Variants in RB1CC1 observed in about 807,000 individuals in gnomAD.
The protein encoded by RB1CC1 is RB1 inducible coiled-coil 1.
In RB1CC1, 46 loss-of-function variants were observed where a neutral mutation model predicts 177.5. That is an observed-to-expected ratio of 0.26 (90% CI 0.20 to 0.33). RB1CC1 has a LOEUF of 0.33. Ranked by LOEUF, RB1CC1 falls within the 10% of genes least tolerant of loss-of-function variation. RB1CC1 has a pLI of 1.00. For synonymous variants in RB1CC1, 666 were observed against 613.6 expected, an observed-to-expected ratio of 1.09 and a Z score of -1.26; for missense variants, 1,703 against 1,816.3, an observed-to-expected ratio of 0.94 and a Z score of 1.13.
intron 1 of RB1CC1, among the ~76,000 whole-genome samples, chr8:52,694,233 T>C (rs1448797728): frequency 6.6e-6 from 1 of 152,152 alleles, no homozygotes; most frequent in African/African-American, 2.4e-5. Flanking sequence ...GAGTATAATC[T>C]TGGCTCTAGA....
Position 52,628,172 on chromosome 8 carries a change from A to T in RB1CC1, c.4500-4T>A. The T allele has an allele frequency of 6.2e-7, 1 of 1,605,834 alleles. No individual in the cohort carries two copies. The highest frequency in any genetic ancestry group is 8.5e-7 in the Non-Finnish European group (1 of 1,175,526). ...TACCAAATCTCCCACCTGAAAACTGAATAAAGAAATGCAATTTTATTGACT... is the reference window on the plus strand; with the variant it reads ...TACCAAATCTCCCACCTGAAAACTGTATAAAGAAATGCAATTTTATTGACT... On this transcript the variant is annotated splice_polypyrimidine_tract_variant and splice_region_variant and intron_variant, in intron 21 of 23. Transcript: ENST00000025008.
At chr8:52,704,592 C>G (rs534597493) in intron 1 of RB1CC1, among the ~76,000 whole-genome samples, 1 of 151,580 alleles carries the variant, frequency 6.6e-6, no homozygotes, top group South Asian at 2.1e-4. Context: ...TTTAAGAAAA[C>G]AATCATTAAA....
chr8:52,670,558 C>T (rs771943239), intron 7 of RB1CC1, among the ~76,000 whole-genome samples: 9 of 152,196 alleles, frequency 5.9e-5, no homozygotes, highest in Non-Finnish European at 8.8e-5. Context: ...GAAAGAAATG[C>T]TAAAGCTCAA....
chr8:52,664,942 G>A (rs1851940293), intron 8 of RB1CC1, among the ~76,000 whole-genome samples: 1 of 152,098 alleles, frequency 6.6e-6, no homozygotes, highest in South Asian at 2.1e-4. Flanking sequence ...AAAGCAGGAG[G>A]ACTAATAGCA....
At chr8:52,623,994 T>C (rs369016771) in intron 23 of RB1CC1, 135 bp from the exon 24 acceptor site, 275 of 633,276 alleles carry the variant, frequency 4.3e-4, no homozygotes, top group African/African-American at 1.1e-3. Flanking sequence ...TACCCTCCTA[T>C]CATATTACTC....
At chr8:52,642,922 G>T in intron 16 of RB1CC1, 110 bp from the exon 17 acceptor site, 1 of 1,141,416 alleles carries the variant, frequency 8.8e-7, no homozygotes, top group Non-Finnish European at 1.2e-6. Flanking sequence ...ACATGGAGAT[G>T]ATGGGGTATG....
Position 52,683,984 on chromosome 8 carries a change from C to T in RB1CC1, c.101G>A (p.Ser34Asn), listed in dbSNP as rs1447100487. Residue 34 changes from serine to asparagine, a missense_variant, in exon 4 of 24, where the codon AGC (serine) becomes AAC (asparagine). Coordinates refer to ENST00000025008, the MANE Select transcript of RB1CC1 (RefSeq NM_014781.5). ...GTGTTGAATAGCAATCTTGTATTTG[C>T]TTTGAATGGCATGCTTAAGGTCTGC... ...TVADLKHAIQ[S>N]KYKIAIQHQV... The T allele has an allele frequency of 4.3e-6, 7 of 1,613,680 alleles. No homozygotes were observed. Among genetic ancestry groups the T allele is most frequent in the Non-Finnish European group, 5.9e-6 (7 of 1,179,944 alleles).
chr8:52,654,830 T>C (rs1283022149), intron 15 of RB1CC1, among the ~76,000 whole-genome samples: 1 of 152,172 alleles, frequency 6.6e-6, no homozygotes, highest in East Asian at 1.9e-4. Flanking sequence ...TTAGATCAAT[T>C]TAACCAAAAT....
At chr8:52,667,867 T>C (rs1405123156) in intron 8 of RB1CC1, among the ~76,000 whole-genome samples, 154 bp downstream of exon 8, 3 of 152,210 alleles carry the variant, frequency 2.0e-5, no homozygotes, top group Non-Finnish European at 1.5e-5. Context: ...AAGAACATGC[T>C]TTTCTGTTTT....
intron 20 of RB1CC1, among the ~76,000 whole-genome samples, chr8:52,634,117 G>A (rs899429529): frequency 6.6e-6 from 1 of 151,658 alleles, no homozygotes; most frequent in South Asian, 2.1e-4. Flanking sequence ...ACCTTGTCTC[G>A]ATTTTTTTTT....
chr8:52,632,103 G>A (rs1445290660), intron 20 of RB1CC1, among the ~76,000 whole-genome samples: 1 of 152,150 alleles, frequency 6.6e-6, no homozygotes, highest in Non-Finnish European at 1.5e-5. Flanking sequence ...TAGCTGATAA[G>A]CTATAGCCAT....
intron 20 of RB1CC1, among the ~76,000 whole-genome samples, chr8:52,634,118 ATTTTT>A: frequency 6.8e-6 from 1 of 147,780 alleles, no homozygotes; most frequent in Admixed American, 6.7e-5. Context: ...CCTTGTCTCG[ATTTTT>A]TTTTTTTAAT....
intron 15 of RB1CC1, 27 bp from the exon 16 acceptor site, chr8:52,645,894 T>TA (rs759956889): frequency 9.7e-4 from 1,442 of 1,484,644 alleles, no homozygotes; most frequent in East Asian, 1.3e-3. Flanking sequence ...AGCATTAAAT[T>TA]AAAAAAAAAA....
intron 1 of RB1CC1, among the ~76,000 whole-genome samples, chr8:52,698,651 A>T (rs2150675710): frequency 2.9e-5 from 4 of 137,884 alleles, no homozygotes; most frequent in South Asian, 2.5e-4. Context: ...ATTAACAAAA[A>T]CTGTATATGT....
chr8:52,673,687 A>G (rs1022689159), intron 7 of RB1CC1, among the ~76,000 whole-genome samples, 158 bp downstream of exon 7: 1 of 152,228 alleles, frequency 6.6e-6, no homozygotes, highest in Non-Finnish European at 1.5e-5. Flanking sequence ...AAATAAAATT[A>G]TGAATTAAAT....
chr8:52,642,428 T>C lies in RB1CC1; in HGVS notation c.4260A>G (p.Glu1420=), dbSNP rs1453331926. The C allele has an allele frequency of 6.2e-7, 1 of 1,614,118 alleles. No individual in the cohort carries two copies. The highest frequency in any genetic ancestry group is 2.2e-5 in the East Asian group (1 of 44,862). The change falls in exon 18 of 24, where the codon GAA becomes GAG. Residue 1420 remains glutamate (E), a synonymous_variant. Coordinates refer to ENST00000025008, the MANE Select transcript of RB1CC1 (RefSeq NM_014781.5). ...CTGTTTCCACAGCGGATCTATCTGATTCACCTGGGAGTTCAGGTGCACAAG... is the reference window on the plus strand; with the variant it reads ...CTGTTTCCACAGCGGATCTATCTGACTCACCTGGGAGTTCAGGTGCACAAG... The part of the protein sequence containing the change: ...YGACAPELPG[E]SDRSAVETAD...
intron 1 of RB1CC1, among the ~76,000 whole-genome samples, chr8:52,709,868 G>T (rs901824059): frequency 1.3e-5 from 2 of 152,086 alleles, no homozygotes; most frequent in Admixed American, 1.3e-4. Context: ...CTATTTTGGG[G>T]GCATCTAAAC....
At chr8:52,664,865 CT>C (rs1374127220) in intron 8 of RB1CC1, among the ~76,000 whole-genome samples, 1 of 152,114 alleles carries the variant, frequency 6.6e-6, no homozygotes, top group African/African-American at 2.4e-5. Flanking sequence ...CAATAAATAT[CT>C]TTTTATATTA....
intron 1 of RB1CC1, among the ~76,000 whole-genome samples, chr8:52,694,020 T>G (rs1357893676): frequency 6.6e-6 from 1 of 152,216 alleles, no homozygotes; most frequent in Non-Finnish European, 1.5e-5. Context: ...TGTGGAATTC[T>G]CTAGAAATGT....
Sources: gnomAD v4.1 joint callset for allele counts (sites outside exome capture counted in the v4.1 genomes callset) on GRCh38, gnomAD v4.1.1 for gene constraint, MANE v1.5 for transcripts, NCBI Gene and HGNC (gene_info 2026-07-23, HGNC 2026-07-21) for gene names.